Variants in DTNBP1 observed in about 807,000 individuals in gnomAD.
DTNBP1 encodes dystrobrevin binding protein 1.
In DTNBP1, 35 loss-of-function variants were observed where a neutral mutation model predicts 42.8. The observed-to-expected ratio is 0.82, with a 90% CI of 0.63 to 1.09. The LOEUF is 1.09. Among genes scored for constraint, DTNBP1 ranks in the 50% least tolerant of loss-of-function variants. The pLI is 0.00. For missense variants in DTNBP1, 457 were observed against 424.2 expected, an observed-to-expected ratio of 1.08 and a Z score of -0.68; for synonymous variants, 171 against 162.2, an observed-to-expected ratio of 1.05 and a Z score of -0.41.
intron 7 of DTNBP1, among the ~76,000 whole-genome samples, chr6:15,584,036 C>G (rs1172650743): frequency 6.6e-6 from 1 of 151,994 alleles, no homozygotes; most frequent in African/African-American, 2.4e-5. Flanking sequence ...AATAAACTGT[C>G]TTAGAGCCAA....
chr6:15,634,547 A>G (rs568452721), intron 4 of DTNBP1, among the ~76,000 whole-genome samples: 2 of 152,212 alleles, frequency 1.3e-5, no homozygotes, highest in South Asian at 4.2e-4. Context: ...CGAACTCCTG[A>G]CTTCAAGTGA....
At chr6:15,649,591 A>T (rs1367140606) in intron 3 of DTNBP1, among the ~76,000 whole-genome samples, 1 of 152,204 alleles carries the variant, frequency 6.6e-6, no homozygotes, top group African/African-American at 2.4e-5. Flanking sequence ...ATGCACAACC[A>T]TGTGAACGTA....
chr6:15,552,151 C>A (rs1022912845), intron 7 of DTNBP1, among the ~76,000 whole-genome samples: 1 of 152,166 alleles, frequency 6.6e-6, no homozygotes, highest in Non-Finnish European at 1.5e-5. Flanking sequence ...TCCAAAAACA[C>A]CTGCACTTAA....
intron 6 of DTNBP1, among the ~76,000 whole-genome samples, chr6:15,603,810 A>C (rs974991135): frequency 6.6e-6 from 1 of 152,170 alleles, no homozygotes; most frequent in Admixed American, 6.5e-5. Flanking sequence ...GAGTTTTCCC[A>C]GTCCGACTAT....
intron 7 of DTNBP1, among the ~76,000 whole-genome samples, chr6:15,586,569 TCTAA>T (rs567665171): frequency 2.0e-5 from 3 of 152,100 alleles, no homozygotes; most frequent in East Asian, 3.9e-4. Context: ...AACTCTCTCC[TCTAA>T]CTATTCTTCT....
At position 15,587,893 on chromosome 6, in the gene DTNBP1, C is replaced by T. The variant is rs958284490; in HGVS notation, c.511+5166G>A. Among the ~76,000 whole-genome samples the T allele has an allele frequency of 6.6e-6, 1 of 152,124 alleles. No homozygotes were observed. The highest frequency in any genetic ancestry group is 1.5e-5 in the Non-Finnish European group (1 of 68,024). On this transcript the variant is annotated intron_variant, in intron 7 of 9. Coordinates refer to ENST00000344537, the MANE Select transcript of DTNBP1 (RefSeq NM_032122.5). The surrounding 1 kb of genome is among the most constrained non-coding windows in gnomAD (Gnocchi z 4.1). Reference sequence around the variant, plus strand: ...AGCCCTCACACACTGCTGATAGGAACGTAAAATGGTACAGCCATTTTAGAA... The same window carrying T: ...AGCCCTCACACACTGCTGATAGGAATGTAAAATGGTACAGCCATTTTAGAA...
chr6:15,562,566 G>A (rs1034799169), intron 7 of DTNBP1, among the ~76,000 whole-genome samples: 1 of 152,196 alleles, frequency 6.6e-6, no homozygotes, highest in Non-Finnish European at 1.5e-5. Context: ...TATGGAAGAG[G>A]AGGAAAGCAA....
intron 7 of DTNBP1, among the ~76,000 whole-genome samples, chr6:15,562,733 G>C (rs530274957): frequency 6.6e-6 from 1 of 152,280 alleles, no homozygotes; most frequent in African/African-American, 2.4e-5. Context: ...CCTAAATTAT[G>C]CAGGCCATAA....
chr6:15,577,671 G>A (rs752446858), intron 7 of DTNBP1, among the ~76,000 whole-genome samples: 2 of 152,206 alleles, frequency 1.3e-5, no homozygotes, highest in Non-Finnish European at 2.9e-5. Context: ...AGATGCCAGT[G>A]AGCACCATCA....
chr6:15,546,407 T>C (rs1445171366), intron 7 of DTNBP1, among the ~76,000 whole-genome samples: 3 of 152,088 alleles, frequency 2.0e-5, no homozygotes, highest in African/African-American at 7.2e-5. Context: ...TTTTATTTAC[T>C]TCTGATTGGA....
rs1021887460 is a variant in DTNBP1 at position 15,631,909 on chromosome 6, C to T, written c.223-4434G>A. ...TAGTTGTTTATCATCACATTTCTTCCGAGGAAAGAAACAAAACTGTCATCT... is the reference window on the plus strand; with the variant it reads ...TAGTTGTTTATCATCACATTTCTTCTGAGGAAAGAAACAAAACTGTCATCT... On this transcript the variant is annotated intron_variant, in intron 4 of 9. Transcript: ENST00000344537. Among the ~76,000 whole-genome samples the T allele has an allele frequency of 5.3e-5, 8 of 152,072 alleles. No homozygotes were observed. In the South Asian group the frequency reaches 8.3e-4, roughly 16 times the overall value.
At chr6:15,586,036 A>G in intron 7 of DTNBP1, 2 of 1,172,822 alleles carry the variant, frequency 1.7e-6, no homozygotes, top group East Asian at 3.8e-5. Flanking sequence ...CCGGTCTGGG[A>G]CCATACCAAA....
intron 7 of DTNBP1, among the ~76,000 whole-genome samples, chr6:15,566,567 C>T (rs1282438730): frequency 6.6e-6 from 1 of 152,120 alleles, no homozygotes; most frequent in East Asian, 1.9e-4. Flanking sequence ...CAACCTGACT[C>T]TAGCATAACC....
intron 6 of DTNBP1, among the ~76,000 whole-genome samples, chr6:15,607,630 G>C (rs997219516): frequency 6.6e-6 from 1 of 152,148 alleles, no homozygotes; most frequent in Non-Finnish European, 1.5e-5. Flanking sequence ...GGAATTCTCA[G>C]AACCTTTAGC....
intron 8 of DTNBP1, among the ~76,000 whole-genome samples, chr6:15,532,792 C>T (rs768792146): frequency 1.2e-4 from 18 of 150,830 alleles, no homozygotes; most frequent in Admixed American, 7.9e-4. Context: ...CTCCGCCTCC[C>T]GGGTTCAAGT....
chr6:15,535,244 A>T (rs1315905399), intron 7 of DTNBP1, among the ~76,000 whole-genome samples: 1 of 152,100 alleles, frequency 6.6e-6, no homozygotes, highest in Non-Finnish European at 1.5e-5. Flanking sequence ...TTCTGCCATG[A>T]TCATAAGTTT....
At chr6:15,563,229 G>C (rs73371505) in intron 7 of DTNBP1, among the ~76,000 whole-genome samples, 2,349 of 152,240 alleles carry the variant, frequency 0.015, 65 homozygotes, top group African/African-American at 0.053. Flanking sequence ...CTAATAAAGT[G>C]AAACCCAACC....
intron 5 of DTNBP1, among the ~76,000 whole-genome samples, chr6:15,625,580 A>G (rs1381470651): frequency 2.0e-5 from 3 of 152,234 alleles, no homozygotes; most frequent in Non-Finnish European, 4.4e-5. Context: ...TTGGGAACGA[A>G]CATACAATAT....
chr6:15,660,614 C>CA, intron 1 of DTNBP1: 1 of 1,218,244 alleles, frequency 8.2e-7, no homozygotes, highest in Non-Finnish European at 1.1e-6. Flanking sequence ...TTTAAGAAGT[C>CA]AAGTCAGTTT....
Sources: allele counts gnomAD v4.1 joint callset (sites outside exome capture counted in the v4.1 genomes callset), GRCh38; gene constraint gnomAD v4.1.1; non-coding constraint Gnocchi (gnomAD v3.1); transcripts MANE v1.5; gene names NCBI Gene and HGNC (gene_info 2026-07-23, HGNC 2026-07-21).